The following NRXN3 variants were observed in gnomAD, a reference collection of about 807,000 sequenced individuals.
NRXN3 encodes neurexin 3, also known as neurexin III.
NRXN3 carries 32 observed loss-of-function variants against 137.6 expected under a neutral mutation model. That is an observed-to-expected ratio of 0.23 (90% confidence interval 0.18 to 0.31). NRXN3 has a LOEUF of 0.31. Ranked by LOEUF, NRXN3 falls within the 10% of genes least tolerant of loss-of-function variation. The pLI is 1.00. For synonymous variants in NRXN3, 798 were observed against 784.5 expected, an observed-to-expected ratio of 1.02 and a Z score of -0.29; for missense variants, 1,574 against 2,062.5, an observed-to-expected ratio of 0.76 and a Z score of 4.59.
chr14:78,642,284 C>T (rs1041437736), intron 4 of NRXN3, among the ~76,000 whole-genome samples: 4 of 152,192 alleles, frequency 2.6e-5, no homozygotes, highest in African/African-American at 9.7e-5. Flanking sequence ...TCAATTTCTT[C>T]CTTAATAAAA....
At chr14:78,792,940 G>A (rs983731762) in intron 8 of NRXN3, among the ~76,000 whole-genome samples, 1 of 152,030 alleles carries the variant, frequency 6.6e-6, no homozygotes, top group African/African-American at 2.4e-5. Flanking sequence ...ACACAGATGA[G>A]CTCTTTTTAA....
At chr14:78,991,688 GA>G (rs1365085742) in intron 15 of NRXN3, among the ~76,000 whole-genome samples, 2 of 152,192 alleles carry the variant, frequency 1.3e-5, no homozygotes, top group African/African-American at 2.4e-5. Context: ...ATGTAGGCAT[GA>G]CTTGTAAGGC....
intron 15 of NRXN3, among the ~76,000 whole-genome samples, chr14:79,378,446 T>C (rs1270704919): frequency 6.6e-6 from 1 of 152,176 alleles, no homozygotes; most frequent in African/African-American, 2.4e-5. Flanking sequence ...GGTGGCTTTG[T>C]CATTGACTTT....
chr14:78,938,580 G>GT (rs2099346468), intron 10 of NRXN3, among the ~76,000 whole-genome samples: 2 of 151,752 alleles, frequency 1.3e-5, no homozygotes, highest in Non-Finnish European at 2.9e-5. Context: ...TTGACATTAG[G>GT]ATTTTTTTTT....
chr14:79,437,901 C>A (rs1332376998), intron 15 of NRXN3, among the ~76,000 whole-genome samples: 2 of 152,268 alleles, frequency 1.3e-5, no homozygotes, highest in East Asian at 3.9e-4. Context: ...AAATAAGTTC[C>A]TTTAGAATGT....
intron 4 of NRXN3, among the ~76,000 whole-genome samples, chr14:78,598,499 C>T (rs1004101747): frequency 1.3e-5 from 2 of 152,250 alleles, no homozygotes; most frequent in Non-Finnish European, 2.9e-5. Flanking sequence ...ACGCTCCTGC[C>T]TCTTCTGCGG....
At chr14:78,373,866 A>G (rs963237441) in intron 4 of NRXN3, among the ~76,000 whole-genome samples, 4 of 152,232 alleles carry the variant, frequency 2.6e-5, no homozygotes, top group Non-Finnish European at 5.9e-5. Flanking sequence ...GTCTGTAATG[A>G]GCTTTTAGCT....
chr14:78,370,522 T>C (rs2086653832), intron 4 of NRXN3, among the ~76,000 whole-genome samples: 1 of 152,210 alleles, frequency 6.6e-6, no homozygotes, highest in South Asian at 2.1e-4. Flanking sequence ...TTGTTTTATT[T>C]GTCTTTACTC....
At chr14:79,474,703 A>G (rs149151612) in intron 16 of NRXN3, among the ~76,000 whole-genome samples, 429 of 152,238 alleles carry the variant, frequency 2.8e-3, no homozygotes, top group African/African-American at 9.6e-3. Flanking sequence ...AAAGGGCTCT[A>G]GACTCAGCAG....
At chr14:79,250,604 C>A (rs922531029) in intron 15 of NRXN3, among the ~76,000 whole-genome samples, 3 of 152,138 alleles carry the variant, frequency 2.0e-5, no homozygotes, top group Non-Finnish European at 4.4e-5. Context: ...AGGAAATAAT[C>A]CCAGATTCAT....
intron 15 of NRXN3, among the ~76,000 whole-genome samples, chr14:79,094,211 C>T (rs1308226387): frequency 1.3e-5 from 2 of 152,156 alleles, no homozygotes; most frequent in African/African-American, 4.8e-5. Flanking sequence ...CAATCAGTGT[C>T]CTAAGCAGTG....
intron 15 of NRXN3, among the ~76,000 whole-genome samples, chr14:79,324,214 T>C (rs1055722586): frequency 6.6e-6 from 1 of 152,214 alleles, no homozygotes; most frequent in Non-Finnish European, 1.5e-5. Flanking sequence ...GAAGAGCCGT[T>C]TAGTAAAGGA....
At chr14:79,380,149 C>CTTTT (rs949863265) in intron 15 of NRXN3, among the ~76,000 whole-genome samples, 1 of 48,946 alleles carries the variant, frequency 2.0e-5, no homozygotes. Context: ...TATACTTCTT[C>CTTTT]TTTTTTTTTT....
intron 10 of NRXN3, among the ~76,000 whole-genome samples, chr14:78,854,553 C>G (rs533481634): frequency 5.5e-4 from 84 of 152,130 alleles, no homozygotes; most frequent in Non-Finnish European, 1.0e-3. Context: ...TTATTGAGCA[C>G]CTACAGTGTT....
At chr14:78,353,582 TG>T (rs2083861852) in intron 4 of NRXN3, among the ~76,000 whole-genome samples, 2 of 152,140 alleles carry the variant, frequency 1.3e-5, no homozygotes, top group Admixed American at 6.6e-5. Context: ...ACATGAATTT[TG>T]GGGGAACACA....
chr14:78,309,748 A>G (rs2077755811), intron 4 of NRXN3, among the ~76,000 whole-genome samples: 1 of 152,140 alleles, frequency 6.6e-6, no homozygotes, highest in Non-Finnish European at 1.5e-5. Context: ...GAAAATAGCT[A>G]GAATTAGAAC....
intron 10 of NRXN3, among the ~76,000 whole-genome samples, chr14:78,922,963 A>C (rs996588121): frequency 6.6e-6 from 1 of 152,194 alleles, no homozygotes; most frequent in African/African-American, 2.4e-5. Flanking sequence ...GTTTCCACTA[A>C]GTGGTGCCTT....
At chr14:78,987,974 T>C in intron 14 of NRXN3, 48 bp from the exon 15 acceptor site, 1 of 1,577,466 alleles carries the variant, frequency 6.3e-7, no homozygotes, top group Non-Finnish European at 8.6e-7. Context: ...TTAACATTTC[T>C]TCTCTCTCTC....
intron 3 of NRXN3, among the ~76,000 whole-genome samples, chr14:78,295,660 C>T (rs917483050): frequency 6.6e-6 from 1 of 152,114 alleles, no homozygotes; most frequent in Non-Finnish European, 1.5e-5. Flanking sequence ...TCAGATCTGG[C>T]CCCCACTCCT....
Sources: gnomAD v4.1 joint callset for allele counts (sites outside exome capture counted in the v4.1 genomes callset) on GRCh38, gnomAD v4.1.1 for gene constraint, MANE v1.5 for transcripts, NCBI Gene and HGNC (gene_info 2026-07-23, HGNC 2026-07-21) for gene names.